The following HIRA variants were observed in gnomAD, a reference collection of about 807,000 sequenced individuals.
HIRA encodes histone cell cycle regulator.
HIRA carries 13 observed loss-of-function variants against 126.6 expected under a neutral mutation model. That is an observed-to-expected ratio of 0.10 (90% CI 0.07 to 0.16). The LOEUF (loss-of-function observed/expected upper bound fraction) is 0.16, where lower values mean the gene tolerates loss of function less well. Ranked by LOEUF, HIRA falls within the 10% of genes least tolerant of loss-of-function variation. The pLI is 1.00. For missense variants in HIRA, 834 were observed against 1,314.4 expected, an observed-to-expected ratio of 0.63 and a Z score of 5.65; for synonymous variants, 511 against 520.0, an observed-to-expected ratio of 0.98 and a Z score of 0.24.
chr22:19,332,623 TAAA>T (rs1179038893), intron 24 of HIRA, among the ~76,000 whole-genome samples: 1 of 139,052 alleles, frequency 7.2e-6, no homozygotes, highest in Admixed American at 7.2e-5. Flanking sequence ...AAGAGAATGG[TAAA>T]AAAAAAAAAC....
intron 8 of HIRA, among the ~76,000 whole-genome samples, chr22:19,392,594 G>A (rs2089191876): frequency 6.6e-6 from 1 of 152,340 alleles, no homozygotes; most frequent in South Asian, 2.1e-4. Context: ...CCTGCAAGGG[G>A]GCTTCAGAAA....
chr22:19,363,785 C>A (rs937340303), intron 15 of HIRA, among the ~76,000 whole-genome samples: 1 of 152,144 alleles, frequency 6.6e-6, no homozygotes, highest in Non-Finnish European at 1.5e-5. Context: ...GTAATCCCAG[C>A]TACCTGGGAG....
intron 15 of HIRA, among the ~76,000 whole-genome samples, chr22:19,364,562 T>C (rs1332935616): frequency 6.6e-6 from 1 of 152,222 alleles, no homozygotes; most frequent in Non-Finnish European, 1.5e-5. Context: ...TCTGTTTTGG[T>C]GATCTGCCAT....
At chr22:19,399,582 G>A (rs2089250811) in intron 5 of HIRA, among the ~76,000 whole-genome samples, 3 of 152,096 alleles carry the variant, frequency 2.0e-5, no homozygotes, top group Admixed American at 6.5e-5. Flanking sequence ...ACTCTGAGAC[G>A]CATACCCTAG....
intron 21 of HIRA, among the ~76,000 whole-genome samples, chr22:19,354,934 T>A (rs1039659154): frequency 2.6e-5 from 4 of 151,936 alleles, no homozygotes; most frequent in African/African-American, 9.7e-5. Flanking sequence ...ACCTGGCTTA[T>A]TTAAAATTTT....
chr22:19,391,483 CT>C (rs574374874), intron 9 of HIRA, among the ~76,000 whole-genome samples: 16,859 of 137,578 alleles, frequency 0.12, 1,232 homozygotes, highest in African/African-American at 0.25. Flanking sequence ...TTTTCTTTTT[CT>C]TTTTTTTTTT....
intron 15 of HIRA, among the ~76,000 whole-genome samples, chr22:19,371,689 A>T (rs1258246301): frequency 1.3e-5 from 2 of 152,166 alleles, no homozygotes; most frequent in Non-Finnish European, 2.9e-5. Flanking sequence ...TGGATTTTCC[A>T]TTCTGGACAT....
chr22:19,426,625 C>A (rs1203349746), intron 1 of HIRA, among the ~76,000 whole-genome samples: 1 of 152,208 alleles, frequency 6.6e-6, no homozygotes, highest in Non-Finnish European at 1.5e-5. Flanking sequence ...TCTCATCTAT[C>A]TTCCACACAG....
intron 1 of HIRA, among the ~76,000 whole-genome samples, chr22:19,427,008 T>A (rs2089493480): frequency 6.6e-6 from 1 of 152,152 alleles, no homozygotes; most frequent in South Asian, 2.1e-4. Flanking sequence ...AAGACAAAAT[T>A]CTTGTCCTCA....
chr22:19,332,408 C>T lies in HIRA; in HGVS notation c.2938-852G>A, dbSNP rs73379883. Among the ~76,000 whole-genome samples the T allele has an allele frequency of 1.3e-3, 205 of 152,304 alleles. 1 individual carries two copies. Among genetic ancestry groups the T allele is most frequent in the African/African-American group, 4.5e-3 (189 of 41,570 alleles). ...AAGTTTGATGGAGGAGCAGCCCACA[C>T]TCCAACAGGGAGGCTCTGACACCAG... is the stretch of plus-strand genomic sequence containing the variant. On this transcript the variant is annotated intron_variant, in intron 24 of 24. Coordinates refer to ENST00000263208, the MANE Select transcript of HIRA (RefSeq NM_003325.4).
intron 15 of HIRA, among the ~76,000 whole-genome samples, chr22:19,365,141 G>A (rs994108224): frequency 6.6e-6 from 1 of 152,236 alleles, no homozygotes; most frequent in Non-Finnish European, 1.5e-5. Context: ...AGCTAGCAGA[G>A]GTTGGCTCAT....
chr22:19,423,882 G>T (rs2089468750), intron 1 of HIRA, among the ~76,000 whole-genome samples: 1 of 152,240 alleles, frequency 6.6e-6, no homozygotes, highest in South Asian at 2.1e-4. Context: ...ACAGAATCAT[G>T]TAAATGAACT....
In HIRA at chr22:19,331,498, C is replaced by A. The variant is rs531131360; in HGVS notation, c.2996G>T (p.Arg999Leu). The change falls in exon 25 of 25, where the codon CGA (arginine) becomes CTA (leucine). Residue 999 changes from arginine (R) to leucine (L), a missense_variant. This residue lies in a region of HIRA where 58 missense variants were observed against 114.5 expected (regional missense o/e 0.51). Transcript: ENST00000263208. ...ACACTCGGTGAAGAGGCGCTGGAAT[C>A]GGAGGTTCTGCCCGATGACTGGTAG... ...ELLPVIGQNLRFQRLFTECQE... is the reference protein window; with the variant it reads ...ELLPVIGQNLLFQRLFTECQE... The A allele has an allele frequency of 6.2e-7, 1 of 1,613,608 alleles. No homozygotes were observed. The highest frequency in any genetic ancestry group is 1.3e-5 in the African/African-American group (1 of 74,920).
chr22:19,431,385 C>G, intron 1 of HIRA, 55 bp downstream of exon 1: 1 of 1,589,852 alleles, frequency 6.3e-7, no homozygotes, highest in Non-Finnish European at 8.6e-7. Flanking sequence ...CGACTCGACT[C>G]CAGACCCCGA....
At chr22:19,365,885 C>T (rs1165193792) in intron 15 of HIRA, 1 of 152,058 alleles carries the variant, frequency 6.6e-6, no homozygotes, top group African/African-American at 2.4e-5. Context: ...AGTATAGTGA[C>T]CTTCTGAGAG....
intron 15 of HIRA, among the ~76,000 whole-genome samples, chr22:19,362,959 C>T (rs2088878335): frequency 6.6e-6 from 1 of 151,586 alleles, no homozygotes; most frequent in Non-Finnish European, 1.5e-5. Flanking sequence ...TAAGGCCGGG[C>T]ACGGTGGCTC....
intron 24 of HIRA, among the ~76,000 whole-genome samples, chr22:19,348,952 A>AT (rs1426308020): frequency 1.4e-3 from 201 of 140,600 alleles, no homozygotes; most frequent in African/African-American, 4.6e-3. Flanking sequence ...AGCCCAGCTA[A>AT]TTTTTTTTTT....
chr22:19,431,187 G>C (rs768896816), intron 1 of HIRA, among the ~76,000 whole-genome samples: 1 of 152,250 alleles, frequency 6.6e-6, no homozygotes, highest in Non-Finnish European at 1.5e-5. Flanking sequence ...AAGGACCACA[G>C]GTGGGCAGCG....
chr22:19,350,782 C>A (rs555227330), intron 24 of HIRA, among the ~76,000 whole-genome samples: 1 of 152,228 alleles, frequency 6.6e-6, no homozygotes, highest in South Asian at 2.1e-4. Context: ...TATGTGCCAG[C>A]CACAGTGGCT....
Sources: allele counts gnomAD v4.1 joint callset (sites outside exome capture counted in the v4.1 genomes callset), GRCh38; gene constraint gnomAD v4.1.1; regional missense constraint gnomAD v4.1.1; transcripts MANE v1.5; gene names NCBI Gene and HGNC (gene_info 2026-07-23, HGNC 2026-07-21).